The following PLCG2 variants were observed in gnomAD, a reference collection of about 807,000 sequenced individuals.
PLCG2 encodes phospholipase C gamma 2.
In PLCG2, 69 loss-of-function variants were observed where a neutral mutation model predicts 175.6. The ratio of observed to expected loss-of-function variants is 0.39; its 90% confidence interval spans 0.32 to 0.48. The LOEUF (loss-of-function observed/expected upper bound fraction) is 0.48, where lower values mean the gene tolerates loss of function less well. Among genes scored for constraint, PLCG2 ranks in the 20% least tolerant of loss-of-function variants. The pLI, the probability that PLCG2 is intolerant of heterozygous loss-of-function variation, is 0.91. For synonymous variants in PLCG2, 827 were observed against 624.0 expected (o/e 1.33, Z -4.85); for missense variants, 1,798 against 1,650.9 (o/e 1.09, Z -1.54).
Position 81,900,684 on chromosome 16 carries a change from G to C in PLCG2, c.1266G>C (p.Lys422Asn). 3 of 1,613,336 alleles carry C rather than the reference G, an allele frequency of 1.9e-6. No individual in the cohort carries two copies. In the South Asian group the frequency reaches 3.3e-5, roughly 18 times the overall value. ...AGCGTCACATGGCCAAGGCCTTCAA[G>C]GAAGTATTTGGCGACCTGCTGTTGA... ...EQQRHMAKAFKEVFGDLLLTK... is the reference protein window; with the variant it reads ...EQQRHMAKAFNEVFGDLLLTK... The change falls in exon 14 of 33, where the codon AAG becomes AAC. Residue 422 changes from lysine (K) to asparagine (N), a missense_variant. By Grantham distance (94) the Lys-to-Asn change is moderately conservative. Transcript: ENST00000564138.
At chr16:81,931,471 G>A in intron 24 of PLCG2, 26 bp from the exon 25 acceptor site, 1 of 1,610,902 alleles carries the variant, frequency 6.2e-7, no homozygotes, top group East Asian at 2.2e-5. Flanking sequence ...GGCTGATTGG[G>A]ACATTTCTTA....
chr16:81,905,605 C>A, intron 15 of PLCG2, 98 bp downstream of exon 15: 1 of 730,618 alleles, frequency 1.4e-6, no homozygotes, highest in Non-Finnish European at 2.4e-6. Flanking sequence ...CTGTCTTGTT[C>A]CCATTTTTAG....
chr16:81,833,815 TG>T (rs1905374975), intron 2 of PLCG2, among the ~76,000 whole-genome samples: 4 of 151,968 alleles, frequency 2.6e-5, no homozygotes, highest in African/African-American at 9.7e-5. Flanking sequence ...CCCAAAGTGG[TG>T]GGGTTACAAG....
At chr16:81,924,625 C>T (rs900574195) in intron 22 of PLCG2, among the ~76,000 whole-genome samples, 15 of 152,248 alleles carry the variant, frequency 9.9e-5, no homozygotes, top group Non-Finnish European at 1.9e-4. Context: ...TCCCTGTCCT[C>T]TTGCAAGATG....
chr16:81,899,985 A>G (rs757772688), intron 13 of PLCG2, among the ~76,000 whole-genome samples: 1 of 152,218 alleles, frequency 6.6e-6, no homozygotes, highest in African/African-American at 2.4e-5. Context: ...TGGTGACTTT[A>G]TGAACCATAA....
intron 15 of PLCG2, among the ~76,000 whole-genome samples, chr16:81,907,370 T>G (rs979122376): frequency 6.6e-6 from 1 of 152,000 alleles, no homozygotes; most frequent in Admixed American, 6.5e-5. Context: ...ACAAACTGGC[T>G]GGGAAATCCT....
intron 5 of PLCG2, among the ~76,000 whole-genome samples, chr16:81,864,816 C>T (rs1288973966): frequency 6.6e-6 from 1 of 152,102 alleles, no homozygotes; most frequent in Admixed American, 6.5e-5. Context: ...GTTGAAGAAC[C>T]CTGGGGGCCT....
At chr16:81,813,079 C>T (rs955261794) in intron 2 of PLCG2, among the ~76,000 whole-genome samples, 5 of 152,080 alleles carry the variant, frequency 3.3e-5, no homozygotes, top group South Asian at 2.1e-4. Context: ...TGACCATAGC[C>T]TTGTAGTATA....
intron 9 of PLCG2, chr16:81,883,688 T>G (rs185215522): frequency 3.1e-6 from 1 of 324,850 alleles, no homozygotes; most frequent in Non-Finnish European, 5.8e-6. Context: ...CTGGCCATCA[T>G]CTCAGGTGTC....
At chr16:81,882,761 C>T (rs1018112221) in intron 8 of PLCG2, among the ~76,000 whole-genome samples, 3 of 152,038 alleles carry the variant, frequency 2.0e-5, no homozygotes, top group African/African-American at 7.2e-5. Flanking sequence ...CTCACCCCAC[C>T]TCATTCTGGC....
intron 1 of PLCG2, among the ~76,000 whole-genome samples, chr16:81,750,281 A>G (rs1013234223): frequency 2.6e-5 from 4 of 151,974 alleles, no homozygotes; most frequent in South Asian, 2.1e-4. Flanking sequence ...TTAGCTGGAC[A>G]TGGTGGCGGG....
chr16:81,882,227 C>T (rs11150422), intron 8 of PLCG2, among the ~76,000 whole-genome samples: 1 of 152,130 alleles, frequency 6.6e-6, no homozygotes, highest in Non-Finnish European at 1.5e-5. Flanking sequence ...GTGGCTCGTG[C>T]TGGCCCAGTG....
chr16:81,924,447 G>T (rs1314780183), intron 22 of PLCG2, among the ~76,000 whole-genome samples: 1 of 152,236 alleles, frequency 6.6e-6, no homozygotes, highest in Non-Finnish European at 1.5e-5. Flanking sequence ...TCTACATGAT[G>T]ACTGTAAAAG....
At chr16:81,956,568 G>A in intron 31 of PLCG2, 127 bp from the exon 32 acceptor site, 1 of 661,280 alleles carries the variant, frequency 1.5e-6, no homozygotes, top group Non-Finnish European at 2.6e-6. Context: ...TGGCTCTTCT[G>A]GGCTAATCCA....
intron 1 of PLCG2, among the ~76,000 whole-genome samples, chr16:81,782,574 C>G (rs886094860): frequency 2.0e-5 from 3 of 152,124 alleles, no homozygotes; most frequent in Non-Finnish European, 4.4e-5. Context: ...ATCTTTTGGC[C>G]GTGAAGATCT....
At position 81,900,771 on chromosome 16, in the gene PLCG2, C is replaced by A; in HGVS notation, c.1353C>A (p.Ile451=). 1 of 1,599,466 alleles carries A rather than the reference C, an allele frequency of 6.3e-7. No homozygotes were observed. Among genetic ancestry groups the A allele is most frequent in the African/African-American group, 1.3e-5 (1 of 74,788 alleles). Residue 451 remains isoleucine (I), a synonymous_variant, in exon 14 of 33, where the codon ATC becomes ATA. Coordinates refer to ENST00000564138, the MANE Select transcript of PLCG2 (RefSeq NM_002661.5). ...LPSPSQLREK[I]IIKHKKLGPR... Reference sequence around the variant, plus strand: ...CGCCCAGCCAGCTGCGGGAGAAGATCATCATCAAGGTAGGCACCCCGGGTG... The same window carrying A: ...CGCCCAGCCAGCTGCGGGAGAAGATAATCATCAAGGTAGGCACCCCGGGTG...
chr16:81,767,295 C>A (rs1370315763), intron 2 of PLCG2, among the ~76,000 whole-genome samples: 1 of 152,000 alleles, frequency 6.6e-6, no homozygotes, highest in African/African-American at 2.4e-5. Context: ...CGGGCGTCTG[C>A]CAACATGCCT....
chr16:81,845,661 C>T (rs989716469), intron 2 of PLCG2, among the ~76,000 whole-genome samples: 1 of 152,232 alleles, frequency 6.6e-6, no homozygotes, highest in East Asian at 1.9e-4. Context: ...CTTGAATGCA[C>T]TGCGTTGAGC....
At chr16:81,789,505 T>A (rs1172868448) in intron 2 of PLCG2, among the ~76,000 whole-genome samples, 2 of 152,142 alleles carry the variant, frequency 1.3e-5, no homozygotes, top group African/African-American at 2.4e-5. Context: ...CCGAGGCTGG[T>A]CTCCAACTCC....
Sources: allele counts gnomAD v4.1 joint callset (sites outside exome capture counted in the v4.1 genomes callset), GRCh38; gene constraint gnomAD v4.1.1; transcripts MANE v1.5; gene names NCBI Gene and HGNC (gene_info 2026-07-23, HGNC 2026-07-21).